The following SUCLG2 variants were observed in gnomAD, a reference collection of about 807,000 sequenced individuals.
The protein encoded by SUCLG2 is succinate--CoA ligase [GDP-forming] subunit beta, mitochondrial.
In SUCLG2, 42 loss-of-function variants were observed where a neutral mutation model predicts 47.9. The observed-to-expected ratio is 0.88, with a 90% CI of 0.69 to 1.14. SUCLG2 has a LOEUF of 1.14. Among genes scored for constraint, SUCLG2 ranks in the 50% most tolerant of loss-of-function variants. The pLI is 0.00. For missense variants in SUCLG2, 571 were observed against 525.9 expected (o/e 1.09, Z -0.84); for synonymous variants, 195 against 197.3 (o/e 0.99, Z 0.10).
chr3:67,477,774 A>C (rs1238779935), intron 9 of SUCLG2, among the ~76,000 whole-genome samples: 2 of 152,200 alleles, frequency 1.3e-5, no homozygotes, highest in South Asian at 2.1e-4. Context: ...ATTAGGAATT[A>C]TCTCTCTTTT....
intron 9 of SUCLG2, among the ~76,000 whole-genome samples, chr3:67,442,087 T>C (rs1703779636): frequency 6.9e-6 from 1 of 144,484 alleles, no homozygotes; most frequent in Non-Finnish European, 1.5e-5. Flanking sequence ...CTCAGCTCAC[T>C]GCAAGCTCCA....
At chr3:67,580,806 T>A (rs1214291715) in intron 2 of SUCLG2, among the ~76,000 whole-genome samples, 1 of 152,118 alleles carries the variant, frequency 6.6e-6, no homozygotes, top group Non-Finnish European at 1.5e-5. Context: ...GAAAAAAAAA[T>A]TCCTATTGCA....
intron 9 of SUCLG2, among the ~76,000 whole-genome samples, chr3:67,415,793 T>C (rs1703026545): frequency 6.6e-6 from 1 of 152,240 alleles, no homozygotes; most frequent in African/African-American, 2.4e-5. Context: ...CTTCAAGATG[T>C]AGAGCTTAAT....
chr3:67,592,691 G>A (rs56090979), intron 2 of SUCLG2, among the ~76,000 whole-genome samples: 2,962 of 114,278 alleles, frequency 0.026, 126 homozygotes, highest in African/African-American at 0.094. Flanking sequence ...ATATCTAATC[G>A]TAAGCATATG....
In SUCLG2 at chr3:67,520,469, A is replaced by C. The variant is rs1706067092; in HGVS notation, c.570+13T>G. On this transcript the variant is annotated intron_variant, in intron 5 of 10. Transcript: ENST00000307227. ...AATCAATTAATAGCAGGTAGCCCGG[A>C]ATTTAAACATACCTTAAAAATGAGC... is the stretch of plus-strand genomic sequence containing the variant. The C allele has an allele frequency of 3.1e-6, 5 of 1,613,816 alleles. No homozygotes were observed. The highest frequency in any genetic ancestry group is 4.2e-6 in the Non-Finnish European group (5 of 1,179,884).
intron 10 of SUCLG2, among the ~76,000 whole-genome samples, chr3:67,400,200 C>A (rs777759408): frequency 1.3e-5 from 2 of 151,782 alleles, no homozygotes; most frequent in African/African-American, 4.8e-5. Context: ...ATTATTCTTA[C>A]TAAAAATTTT....
intron 9 of SUCLG2, chr3:67,408,874 C>T: frequency 1.4e-6 from 2 of 1,461,744 alleles, no homozygotes; most frequent in East Asian, 2.5e-5. Context: ...CTGTAAAGTC[C>T]ATGTTCGTTC....
chr3:67,532,665 T>G (rs527340584), intron 2 of SUCLG2, among the ~76,000 whole-genome samples: 23 of 151,860 alleles, frequency 1.5e-4, no homozygotes, highest in Admixed American at 1.4e-3. Context: ...TTTATTAGAA[T>G]TTACATATAT....
chr3:67,648,031 T>C (rs1384140541), intron 1 of SUCLG2, among the ~76,000 whole-genome samples: 2 of 152,206 alleles, frequency 1.3e-5, no homozygotes, highest in African/African-American at 4.8e-5. Context: ...TCAAATTCAG[T>C]GCAAGAGAAA....
At chr3:67,380,725 AAG>A (rs1702140717) in intron 10 of SUCLG2, among the ~76,000 whole-genome samples, 1 of 151,756 alleles carries the variant, frequency 6.6e-6, no homozygotes, top group East Asian at 1.9e-4. Context: ...GAGACAAATG[AAG>A]AGAGAGACAA....
intron 9 of SUCLG2, among the ~76,000 whole-genome samples, chr3:67,430,813 A>G (rs370175873): frequency 1.8e-4 from 28 of 152,342 alleles, no homozygotes; most frequent in East Asian, 1.3e-3. Flanking sequence ...ATCAGAGAAT[A>G]CTATAAACAC....
chr3:67,475,842 C>T (rs1047303231), intron 9 of SUCLG2, among the ~76,000 whole-genome samples: 1 of 151,966 alleles, frequency 6.6e-6, no homozygotes, highest in African/African-American at 2.4e-5. Flanking sequence ...TCATCAGCCA[C>T]CATGCCCAAC....
intron 2 of SUCLG2, among the ~76,000 whole-genome samples, chr3:67,598,327 C>T (rs1708340400): frequency 6.6e-6 from 1 of 152,284 alleles, no homozygotes; most frequent in South Asian, 2.1e-4. Flanking sequence ...CTGTTAAAGA[C>T]AGCTGCTATC....
At chr3:67,553,354 T>C (rs920859871) in intron 2 of SUCLG2, among the ~76,000 whole-genome samples, 4 of 152,238 alleles carry the variant, frequency 2.6e-5, no homozygotes, top group African/African-American at 9.6e-5. Context: ...CAGTTAAATA[T>C]TTGCTTTAAT....
intron 2 of SUCLG2, among the ~76,000 whole-genome samples, chr3:67,544,793 A>G (rs2107182045): frequency 1.3e-5 from 2 of 152,298 alleles, no homozygotes; most frequent in African/African-American, 4.8e-5. Flanking sequence ...TCACTATAGC[A>G]CCACTTCAAA....
chr3:67,442,694 C>T (rs1223459807), intron 9 of SUCLG2, among the ~76,000 whole-genome samples: 15 of 152,134 alleles, frequency 9.9e-5, no homozygotes, highest in Non-Finnish European at 1.8e-4. Context: ...AAAGATTTTT[C>T]CTACAGAGAC....
intron 9 of SUCLG2, among the ~76,000 whole-genome samples, chr3:67,402,309 G>GGCAGGTTACCTAGACA (rs58345502): frequency 3.3e-5 from 5 of 152,016 alleles, no homozygotes; most frequent in East Asian, 1.9e-4. Context: ...GATGAAAGTG[G>GGCAGGTTACCTAGACA]GCAAGTAAGA....
intron 2 of SUCLG2, among the ~76,000 whole-genome samples, chr3:67,574,867 A>C (rs1464325367): frequency 6.6e-6 from 1 of 152,224 alleles, no homozygotes; most frequent in African/African-American, 2.4e-5. Flanking sequence ...CAATAAGACA[A>C]ACCTCAATCA....
At chr3:67,361,885 T>G (rs1701807878) in intron 10 of SUCLG2, among the ~76,000 whole-genome samples, 5 of 152,086 alleles carry the variant, frequency 3.3e-5, no homozygotes, top group Admixed American at 3.3e-4. Context: ...TCTGGGATGG[T>G]GAGGGGAACA....
Sources: gnomAD v4.1 joint callset for allele counts (sites outside exome capture counted in the v4.1 genomes callset) on GRCh38, gnomAD v4.1.1 for gene constraint, MANE v1.5 for transcripts, NCBI Gene and HGNC (gene_info 2026-07-23, HGNC 2026-07-21) for gene names.